Variants in CCR3 observed in about 807,000 individuals in gnomAD.
CCR3 encodes C-C motif chemokine receptor 3, also known as C-C chemokine receptor type 3.
For missense variants in CCR3, 419 were observed against 437.5 expected (o/e 0.96, Z 0.38); for synonymous variants, 203 against 179.2 (o/e 1.13, Z -1.06).
At chr3:46,235,633 A>G (rs1483493581) in intron 2 of CCR3, among the ~76,000 whole-genome samples, 1 of 152,222 alleles carries the variant, frequency 6.6e-6, no homozygotes, top group Non-Finnish European at 1.5e-5. Flanking sequence ...TCCATCTTAG[A>G]AAAAGACTTC....
chr3:46,211,274 C>T (rs1391437084), intron 2 of CCR3, among the ~76,000 whole-genome samples: 3 of 150,056 alleles, frequency 2.0e-5, no homozygotes, highest in Non-Finnish European at 2.9e-5. Flanking sequence ...TCATGGCTCA[C>T]TGCAGCCTCA....
chr3:46,250,811 G>A (rs1386959121), intron 1 of CCR3, among the ~76,000 whole-genome samples: 1 of 151,868 alleles, frequency 6.6e-6, no homozygotes, highest in African/African-American at 2.4e-5. Context: ...AAGGGGTTCA[G>A]GGGTTCTTAC....
At chr3:46,223,357 CAAAT>C (rs941383410) in intron 2 of CCR3, among the ~76,000 whole-genome samples, 1 of 150,576 alleles carries the variant, frequency 6.6e-6, no homozygotes, top group African/African-American at 2.4e-5. Flanking sequence ...AACAAACAAA[CAAAT>C]AAAATCTCTT....
intron 1 of CCR3, among the ~76,000 whole-genome samples, chr3:46,251,180 C>T (rs554843996): frequency 2.6e-5 from 4 of 152,078 alleles, no homozygotes; most frequent in South Asian, 2.1e-4. Flanking sequence ...CCAAGGCAGG[C>T]GTCCCTGCGT....
At chr3:46,214,730 C>G (rs1699754110) in intron 2 of CCR3, among the ~76,000 whole-genome samples, 1 of 152,104 alleles carries the variant, frequency 6.6e-6, no homozygotes, top group Non-Finnish European at 1.5e-5. Context: ...ACCTTTCCTC[C>G]CTGGGCAAGC....
At chr3:46,233,068 T>C (rs555784487) in intron 2 of CCR3, among the ~76,000 whole-genome samples, 1 of 152,348 alleles carries the variant, frequency 6.6e-6, no homozygotes, top group African/African-American at 2.4e-5. Flanking sequence ...CCTGACCTCG[T>C]GATCCACGTG....
intron 1 of CCR3, among the ~76,000 whole-genome samples, chr3:46,255,441 T>C (rs1429637441): frequency 6.6e-6 from 1 of 152,164 alleles, no homozygotes; most frequent in African/African-American, 2.4e-5. Flanking sequence ...TGTATTTGCT[T>C]TTGGGTTCTT....
At chr3:46,252,904 A>C (rs192374615) in intron 1 of CCR3, among the ~76,000 whole-genome samples, 93 of 152,118 alleles carry the variant, frequency 6.1e-4, no homozygotes, top group Admixed American at 1.5e-3. Flanking sequence ...TTGGAGGGTT[A>C]CATGACTCAG....
chr3:46,220,515 G>A (rs1273604584), intron 2 of CCR3, among the ~76,000 whole-genome samples: 1 of 152,156 alleles, frequency 6.6e-6, no homozygotes, highest in East Asian at 1.9e-4. Flanking sequence ...CTACCCAGAG[G>A]AAAAGAAGTC....
intron 1 of CCR3, among the ~76,000 whole-genome samples, chr3:46,258,641 A>G (rs529597539): frequency 1.3e-5 from 2 of 152,268 alleles, no homozygotes; most frequent in Non-Finnish European, 2.9e-5. Flanking sequence ...GTAGACATTT[A>G]TAGGTCACAA....
At chr3:46,220,377 AAG>A (rs1298092209) in intron 2 of CCR3, among the ~76,000 whole-genome samples, 3 of 152,216 alleles carry the variant, frequency 2.0e-5, no homozygotes, top group Non-Finnish European at 1.5e-5. Flanking sequence ...ATGTGGTGAA[AAG>A]AGAATATTTT....
chr3:46,261,278 G>A (rs1467694269), intron 1 of CCR3, among the ~76,000 whole-genome samples: 4 of 152,136 alleles, frequency 2.6e-5, no homozygotes, highest in African/African-American at 9.7e-5. Flanking sequence ...AATGTATAAT[G>A]AAAGGGAGTT....
In CCR3 at chr3:46,265,807, A is replaced by G; in HGVS notation, c.649A>G (p.Ile217Val). 1.9e-6 allele frequency: 3 copies of G among 1,614,026 alleles called. No individual in the cohort carries two copies. Among genetic ancestry groups the G allele is most frequent in the South Asian group, 1.1e-5 (1 of 91,078 alleles). The change falls in exon 2 of 2, where the codon ATC becomes GTC. Residue 217 changes from isoleucine to valine, a missense_variant. Transcript: ENST00000395940. ...CLVLPLLVMA[I>V]CYTGIIKTLL... ...CGTTCTCCCTCTGCTCGTTATGGCCATCTGCTACACAGGAATCATCAAAAC... is the reference window on the plus strand; with the variant it reads ...CGTTCTCCCTCTGCTCGTTATGGCCGTCTGCTACACAGGAATCATCAAAAC...
intron 1 of CCR3, among the ~76,000 whole-genome samples, chr3:46,247,012 A>G (rs1700207996): frequency 1.3e-5 from 2 of 152,080 alleles, no homozygotes; most frequent in Non-Finnish European, 2.9e-5. Context: ...AACTAAATGG[A>G]ATAAGAGAAG....
chr3:46,262,790 G>A (rs2125935712), intron 1 of CCR3, among the ~76,000 whole-genome samples: 1 of 152,220 alleles, frequency 6.6e-6, no homozygotes, highest in African/African-American at 2.4e-5. Context: ...AAGTAGTTGG[G>A]ACCACACGTA....
At chr3:46,223,495 CAT>C (rs1699860328) in intron 2 of CCR3, among the ~76,000 whole-genome samples, 1 of 152,204 alleles carries the variant, frequency 6.6e-6, no homozygotes, top group Non-Finnish European at 1.5e-5. Flanking sequence ...AATCCTTTTT[CAT>C]ATGTTTTCCA....
At chr3:46,233,168 G>A (rs1473567153) in intron 2 of CCR3, among the ~76,000 whole-genome samples, 7 of 152,152 alleles carry the variant, frequency 4.6e-5, no homozygotes, top group South Asian at 2.1e-4. Flanking sequence ...GGAGGGTGAC[G>A]TGCTGTCAGT....
intron 2 of CCR3, among the ~76,000 whole-genome samples, chr3:46,222,505 C>T (rs898509954): frequency 6.6e-6 from 1 of 152,164 alleles, no homozygotes; most frequent in African/African-American, 2.4e-5. Context: ...GGAGAAAAAC[C>T]TCCAGAGTCC....
chr3:46,228,729 T>A (rs1031621066), intron 2 of CCR3, among the ~76,000 whole-genome samples: 1 of 152,256 alleles, frequency 6.6e-6, no homozygotes, highest in African/African-American at 2.4e-5. Context: ...TGTACAAACA[T>A]GGTGGGTCAT....
Sources: allele counts gnomAD v4.1 joint callset (sites outside exome capture counted in the v4.1 genomes callset), GRCh38; gene constraint gnomAD v4.1.1; transcripts MANE v1.5; gene names NCBI Gene and HGNC (gene_info 2026-07-23, HGNC 2026-07-21).